ERBB4: variants seen among roughly 807,000 people sequenced by gnomAD.
The protein encoded by ERBB4 is erb-b2 receptor tyrosine kinase 4.
In ERBB4, 42 loss-of-function variants were observed where a neutral mutation model predicts 158.0. The observed-to-expected ratio is 0.27, with a 90% CI of 0.21 to 0.34. The LOEUF (loss-of-function observed/expected upper bound fraction) is 0.34. ERBB4 is among the 10% of genes least tolerant of loss of function. The pLI, the probability that ERBB4 is intolerant of heterozygous loss-of-function variation, is 1.00. For missense variants in ERBB4, 1,333 were observed against 1,624.1 expected, an observed-to-expected ratio of 0.82 and a Z score of 3.08; for synonymous variants, 583 against 558.7, an observed-to-expected ratio of 1.04 and a Z score of -0.61.
chr2:211,431,458 T>C (rs1169610739), intron 20 of ERBB4, among the ~76,000 whole-genome samples: 1 of 152,204 alleles, frequency 6.6e-6, no homozygotes, highest in East Asian at 1.9e-4. Context: ...CACATATTTG[T>C]AATCATTCCT....
intron 3 of ERBB4, among the ~76,000 whole-genome samples, chr2:211,875,866 C>T (rs920820732): frequency 6.6e-6 from 1 of 152,108 alleles, no homozygotes; most frequent in Non-Finnish European, 1.5e-5. Flanking sequence ...CAATTGCTTA[C>T]AGTATTCAGT....
chr2:211,396,866 A>T (rs184514799), intron 25 of ERBB4, among the ~76,000 whole-genome samples: 1 of 152,304 alleles, frequency 6.6e-6, no homozygotes, highest in Non-Finnish European at 1.5e-5. Context: ...TCATCCAACT[A>T]CTGCTCTTTA....
chr2:211,630,355 G>A lies in ERBB4; in HGVS notation c.2079+107C>T, dbSNP rs138442929. ...GACTATAAAATAAAAAACTTAATTAGGACACTGAACAGAATTTTACTTGGA... is the reference window on the plus strand; with the variant it reads ...GACTATAAAATAAAAAACTTAATTAAGACACTGAACAGAATTTTACTTGGA... On this transcript the variant is annotated intron_variant, in intron 17 of 27. Transcript: ENST00000342788. 1.3e-5 allele frequency: 17 copies of A among 1,282,232 alleles called. 1 individual carries two copies. In the African/African-American group the frequency reaches 1.6e-4, roughly 12 times the overall value. The allele number at this position is 1,282,232 out of a possible 1,614,324, so 79.4% of individuals were successfully genotyped here. A position where few individuals can be genotyped will look rare whatever the true frequency, so the allele number is the denominator to read the frequency against.
intron 18 of ERBB4, among the ~76,000 whole-genome samples, chr2:211,623,571 T>C (rs2069718783): frequency 1.3e-5 from 2 of 152,154 alleles, no homozygotes; most frequent in African/African-American, 2.4e-5. Flanking sequence ...CTGGGGTTCA[T>C]GGAGCACTGT....
chr2:211,511,431 T>C (rs1314001478), intron 20 of ERBB4, among the ~76,000 whole-genome samples: 1 of 152,050 alleles, frequency 6.6e-6, no homozygotes, highest in South Asian at 2.1e-4. Flanking sequence ...ACTGATATTC[T>C]AAGAAGTAAC....
At chr2:211,744,664 C>T (rs910039015) in intron 5 of ERBB4, among the ~76,000 whole-genome samples, 5 of 152,176 alleles carry the variant, frequency 3.3e-5, no homozygotes, top group Non-Finnish European at 7.4e-5. Flanking sequence ...TTTAGCGTGG[C>T]TTCTCACCAT....
At chr2:212,220,451 T>C (rs761200140) in intron 1 of ERBB4, among the ~76,000 whole-genome samples, 4 of 151,372 alleles carry the variant, frequency 2.6e-5, no homozygotes, top group Non-Finnish European at 5.9e-5. Context: ...ACCAGAGATT[T>C]GGTTTTATTT....
chr2:212,063,715 A>T, intron 2 of ERBB4, among the ~76,000 whole-genome samples: 1 of 152,172 alleles, frequency 6.6e-6, no homozygotes, highest in East Asian at 1.9e-4. Flanking sequence ...CAACGAAATA[A>T]ACAAAAAGCC....
chr2:211,897,929 A>T (rs79323481), intron 3 of ERBB4, among the ~76,000 whole-genome samples: 15,436 of 151,496 alleles, frequency 0.1, 948 homozygotes, highest in African/African-American at 0.16. Flanking sequence ...GTTAATATTT[A>T]AATTTTTTTT....
intron 2 of ERBB4, among the ~76,000 whole-genome samples, chr2:211,963,860 G>A (rs1004745663): frequency 2.6e-5 from 4 of 152,062 alleles, no homozygotes; most frequent in African/African-American, 4.8e-5. Flanking sequence ...TCTTTTGTTT[G>A]AAAGAAAGGT....
chr2:212,230,833 C>G (rs2083640314), intron 1 of ERBB4, among the ~76,000 whole-genome samples: 1 of 152,024 alleles, frequency 6.6e-6, no homozygotes, highest in Non-Finnish European at 1.5e-5. Flanking sequence ...TCTAGAGTCT[C>G]AAAAATCCAA....
intron 15 of ERBB4, among the ~76,000 whole-genome samples, chr2:211,661,626 A>T (rs934231998): frequency 2.6e-5 from 4 of 152,318 alleles, no homozygotes; most frequent in East Asian, 1.9e-4. Context: ...GGAAATTTTT[A>T]AAAATTCTCC....
At chr2:211,564,012 G>A (rs1280321983) in intron 19 of ERBB4, among the ~76,000 whole-genome samples, 2 of 152,060 alleles carry the variant, frequency 1.3e-5, no homozygotes, top group Admixed American at 6.6e-5. Context: ...ATTTAACATG[G>A]TATGGCAGAT....
At chr2:211,419,121 C>T (rs2063458360) in intron 25 of ERBB4, among the ~76,000 whole-genome samples, 1 of 152,026 alleles carries the variant, frequency 6.6e-6, no homozygotes, top group Admixed American at 6.6e-5. Flanking sequence ...ATGGAAATAA[C>T]ATGCTTCAGT....
chr2:212,284,356 C>T (rs546763572), intron 1 of ERBB4, among the ~76,000 whole-genome samples: 2 of 152,104 alleles, frequency 1.3e-5, no homozygotes, highest in African/African-American at 4.8e-5. Flanking sequence ...AGATCTGCTG[C>T]CCTGTTTCCA....
At chr2:211,958,175 T>A (rs1041863865) in intron 2 of ERBB4, among the ~76,000 whole-genome samples, 2 of 152,028 alleles carry the variant, frequency 1.3e-5, no homozygotes, top group Non-Finnish European at 2.9e-5. Context: ...CTTAATTAAT[T>A]TATAAAAAAA....
chr2:211,860,971 TA>T (rs1235298719), intron 3 of ERBB4, among the ~76,000 whole-genome samples: 29 of 85,464 alleles, frequency 3.4e-4, no homozygotes, highest in South Asian at 1.2e-3. Flanking sequence ...TATATAAATA[TA>T]TTTAAATATA....
At chr2:211,411,301 A>G (rs1251697373) in intron 25 of ERBB4, among the ~76,000 whole-genome samples, 1 of 152,230 alleles carries the variant, frequency 6.6e-6, no homozygotes, top group Non-Finnish European at 1.5e-5. Context: ...TAGAAAAGAC[A>G]TTGCAAAAAA....
Position 211,399,699 on chromosome 2 carries a change from C to T in ERBB4, c.3136-11707G>A, listed in dbSNP as rs1011503187. Among the ~76,000 whole-genome samples, 5 of 151,958 alleles carry T rather than the reference C, an allele frequency of 3.3e-5. No individual in the cohort carries two copies. The South Asian group carries it at 1.0e-3, about 31-fold the overall frequency. On this transcript the variant is annotated intron_variant, in intron 25 of 27. Transcript: ENST00000342788. ...GTGATTCTGAATGCGATGAACATTT[C>T]ACATTCAGCTATAAAACTTCAAGAT... is the stretch of plus-strand genomic sequence containing the variant.
Sources: allele counts gnomAD v4.1 joint callset (sites outside exome capture counted in the v4.1 genomes callset), GRCh38; gene constraint gnomAD v4.1.1; transcripts MANE v1.5; gene names NCBI Gene and HGNC (gene_info 2026-07-23, HGNC 2026-07-21).